TRIP13: variants seen among roughly 807,000 people sequenced by gnomAD.
TRIP13 encodes the protein thyroid hormone receptor interactor 13, also known as pachytene checkpoint protein 2 homolog.
TRIP13 carries 25 observed loss-of-function variants against 54.4 expected under a neutral mutation model. The observed-to-expected ratio is 0.46, with a 90% CI of 0.33 to 0.64. The LOEUF is 0.64. Ranked by LOEUF, TRIP13 falls within the 30% of genes least tolerant of loss-of-function variation. The pLI is 0.02. For synonymous variants in TRIP13, 207 were observed against 207.8 expected (o/e 1.00, Z 0.03); for missense variants, 373 against 534.2 (o/e 0.70, Z 2.97).
intron 1 of TRIP13, 64 bp downstream of exon 1, chr5:893,154 C>A: frequency 7.0e-7 from 1 of 1,428,590 alleles, no homozygotes. Flanking sequence ...GCGCGTGCAC[C>A]GAGCCCCGAC....
rs557285476 is a variant in TRIP13 at position 908,616 on chromosome 5, G to A, written c.866+155G>A. The stretch of plus-strand genomic sequence containing the variant: ...TATCGACTCCTTTTCCACATTGGAA[G>A]CAGCATATCACAAATGCTTTTTAAA... On this transcript the variant is annotated intron_variant, in intron 9 of 12. Coordinates refer to ENST00000166345, the MANE Select transcript of TRIP13 (RefSeq NM_004237.4). The surrounding 1 kb of genome is among the most constrained non-coding windows in gnomAD (Gnocchi z 5.2). The A allele has an allele frequency of 4.1e-6, 6 of 1,465,384 alleles. No individual in the cohort carries two copies. In the South Asian group the frequency reaches 5.5e-5, roughly 13 times the overall value. The allele number at this position is 1,465,384 out of a possible 1,614,324, so 90.8% of individuals were successfully genotyped here.
At position 907,748 on chromosome 5, in the gene TRIP13, G is replaced by C. The variant is rs1176103183; in HGVS notation, c.673-240G>C. On this transcript the variant is annotated intron_variant, in intron 7 of 12. Coordinates refer to ENST00000166345, the MANE Select transcript of TRIP13 (RefSeq NM_004237.4). This position sits in a 1 kb window ranked among gnomAD's most constrained non-coding sequence, Gnocchi z 4.1. ...AGGTCACCCTCACTGTGCCGCCCCG[G>C]GCAGGTCAGGTGTGGTCTCAGGTCT... Among the ~76,000 whole-genome samples the C allele has an allele frequency of 1.3e-5, 2 of 152,232 alleles. No individual in the cohort carries two copies. The highest frequency in any genetic ancestry group is 4.8e-5 in the African/African-American group (2 of 41,460).
intron 6 of TRIP13, among the ~76,000 whole-genome samples, chr5:904,716 G>A (rs751068143): frequency 5.9e-5 from 9 of 151,562 alleles, no homozygotes; most frequent in Admixed American, 6.6e-5. Context: ...TGTTTTATTC[G>A]AAAGTTTCTA....
rs550461797 is a variant in TRIP13 at position 911,148 on chromosome 5, A to G, written c.867-695A>G. ...ATGGAGTTTAGACGCTAGAGGGGAG[A>G]GCAGATCATGAACATGGGAAGTAAC... On this transcript the variant is annotated intron_variant, in intron 9 of 12. Transcript: ENST00000166345. The surrounding 1 kb of genome is among the most constrained non-coding windows in gnomAD (Gnocchi z 4.7). Among the ~76,000 whole-genome samples the G allele has an allele frequency of 3.3e-5, 5 of 152,196 alleles. No individual in the cohort carries two copies. The highest frequency in any genetic ancestry group is 7.3e-5 in the Non-Finnish European group (5 of 68,034).
At position 896,725 on chromosome 5, in the gene TRIP13, C is replaced by T. The variant is rs1471402418; in HGVS notation, c.319C>T (p.Pro107Ser). ...CATTTTCCAGCTGAATGAAGATGGC[C>T]CCAGCAGTGAAAATCTGGAGGAAGA... ...LHIFQLNEDG[P>S]SSENLEEETE... Residue 107 changes from proline (P) to serine (S), a missense_variant, in exon 3 of 13, where the codon CCC (proline) becomes TCC (serine). Pro to Ser is a moderately conservative substitution (Grantham distance 74). Transcript: ENST00000166345. 1 of 1,613,636 alleles carries T rather than the reference C, an allele frequency of 6.2e-7. No homozygotes were observed. The highest frequency in any genetic ancestry group is 2.2e-5 in the East Asian group (1 of 44,884).
intron 12 of TRIP13, 49 bp downstream of exon 12, chr5:916,022 A>C: frequency 1.3e-5 from 21 of 1,578,830 alleles, no homozygotes; most frequent in Non-Finnish European, 1.8e-5. Flanking sequence ...CACAGGTCTC[A>C]GCCTCGCCGG....
chr5:918,208 G>A (rs528301149), downstream of TRIP13: 2 of 152,332 alleles, frequency 1.3e-5, no homozygotes, highest in East Asian at 3.9e-4. This position sits in a 1 kb window ranked among gnomAD's most constrained non-coding sequence, Gnocchi z 4.3. Flanking sequence ...CCCAGGTGCA[G>A]ATTCAGGAGG....
At position 915,849 on chromosome 5, in the gene TRIP13, C is replaced by T. The variant is rs1015588760; in HGVS notation, c.1134-55C>T. On this transcript the variant is annotated intron_variant, in intron 11 of 12. Coordinates refer to ENST00000166345, the MANE Select transcript of TRIP13 (RefSeq NM_004237.4). This position sits in a 1 kb window ranked among gnomAD's most constrained non-coding sequence, Gnocchi z 4.2. ...CCTCGGCCAATGAGGAAAATTAGTC[C>T]TGAAACGTGTGATTGTATAAATTGC... 21 of 1,596,356 alleles carry T rather than the reference C, an allele frequency of 1.3e-5. No individual in the cohort carries two copies. Among genetic ancestry groups the T allele is most frequent in the Middle Eastern group, 1.7e-4 (1 of 6,058 alleles).
Position 911,870 on chromosome 5 carries a change from T to C in TRIP13, c.894T>C (p.Thr298=), listed in dbSNP as rs889277386. Residue 298 remains threonine, a synonymous_variant, in exon 10 of 13, where the codon ACT becomes ACC. Coordinates refer to ENST00000166345, the MANE Select transcript of TRIP13 (RefSeq NM_004237.4). The surrounding 1 kb of genome is among the most constrained non-coding windows in gnomAD (Gnocchi z 4.7). ...KRHSNVVILT[T]SNITEKIDVA... is the part of the protein sequence containing the mutation. ...ATTCCAATGTTGTGATTCTGACCAC[T>C]TCTAACATCACCGAGAAGATCGACG... is the stretch of plus-strand genomic sequence containing the variant. 1.2e-6 allele frequency: 2 copies of C among 1,613,482 alleles called. No individual in the cohort carries two copies. Among genetic ancestry groups the C allele is most frequent in the Admixed American group, 3.3e-5 (2 of 59,776 alleles).
downstream of TRIP13, among the ~76,000 whole-genome samples, chr5:918,367 T>A (rs1239800031): frequency 6.6e-6 from 1 of 152,162 alleles, no homozygotes; most frequent in African/African-American, 2.4e-5. This position sits in a 1 kb window ranked among gnomAD's most constrained non-coding sequence, Gnocchi z 4.3. Flanking sequence ...GCCCAGTCCA[T>A]GCATGTCAGT....
At chr5:905,338 G>A (rs1324054774) in intron 6 of TRIP13, among the ~76,000 whole-genome samples, 2 of 152,184 alleles carry the variant, frequency 1.3e-5, no homozygotes, top group African/African-American at 4.8e-5. Context: ...TTACATAGCT[G>A]CAGGGAATGT....
intron 9 of TRIP13, among the ~76,000 whole-genome samples, chr5:910,163 G>A (rs922243457): frequency 5.9e-5 from 9 of 152,082 alleles, no homozygotes; most frequent in African/African-American, 2.2e-4. Context: ...TCCTGCCCCC[G>A]CCGCAGCCCA....
chr5:893,776 A>C (rs193134677), intron 1 of TRIP13: 8 of 154,872 alleles, frequency 5.2e-5, no homozygotes, highest in African/African-American at 1.9e-4. Flanking sequence ...CTTTAACAGA[A>C]TAGCTGTTGA....
At position 915,260 on chromosome 5, in the gene TRIP13, A is replaced by T. The variant is rs187775290; in HGVS notation, c.1134-644A>T. Among the ~76,000 whole-genome samples, 175 of 152,368 alleles carry T rather than the reference A, an allele frequency of 1.1e-3. No homozygotes were observed. The highest frequency in any genetic ancestry group is 2.0e-3 in the Non-Finnish European group (138 of 68,034). ...TCAGAGACTTCTACAAAAATTGAAG[A>T]TGTGAACCCACCCATTATTTGGGGA... is the stretch of plus-strand genomic sequence containing the variant. On this transcript the variant is annotated intron_variant, in intron 11 of 12. Transcript: ENST00000166345. This position sits in a 1 kb window ranked among gnomAD's most constrained non-coding sequence, Gnocchi z 4.2.
At position 908,669 on chromosome 5, in the gene TRIP13, T is replaced by C; in HGVS notation, c.866+208T>C. 1 of 1,381,332 alleles carries C rather than the reference T, an allele frequency of 7.2e-7. No homozygotes were observed. 85.6% of individuals were successfully genotyped at this position (1,381,332 alleles called of 1,614,324 possible). On this transcript the variant is annotated intron_variant, in intron 9 of 12. Coordinates refer to ENST00000166345, the MANE Select transcript of TRIP13 (RefSeq NM_004237.4). The surrounding 1 kb of genome is among the most constrained non-coding windows in gnomAD (Gnocchi z 5.2). ...AATTGTTTTTAGTGTGTTAAAAATG[T>C]AATAGAAGGCCAGGCGCGGTGGCTC...
In TRIP13 at chr5:917,028, G is replaced by T. The variant is rs768828043; in HGVS notation, c.1224G>T (p.Glu408Asp). The change falls in exon 13 of 13, where the codon GAG becomes GAT. Residue 408 changes from glutamate (E) to aspartate (D), a missense_variant. Glu to Asp is a conservative substitution (Grantham distance 45). Transcript: ENST00000166345. ...TCTAGGCCCCCACCGTCACCATAGA[G>T]GGGTTCCTCCAGGCCCTGTCTCTGG... is the stretch of plus-strand genomic sequence containing the variant. ...LYVQAPTVTI[E>D]GFLQALSLAV... is the part of the protein sequence containing the mutation. 5 of 1,614,172 alleles carry T rather than the reference G, an allele frequency of 3.1e-6. No individual in the cohort carries two copies. In the Admixed American group the frequency reaches 5.0e-5, roughly 16 times the overall value.
chr5:917,203 C>A lies in TRIP13; in HGVS notation c.*100C>A, dbSNP rs1233088833. The A allele has an allele frequency of 3.6e-6, 4 of 1,123,480 alleles. No individual in the cohort carries two copies. In the South Asian group the frequency reaches 4.4e-5, roughly 12 times the overall value. 69.6% of individuals were successfully genotyped at this position (1,123,480 alleles called of 1,614,324 possible). A position where few individuals can be genotyped will look rare whatever the true frequency, so the allele number is the denominator to read the frequency against. ...TCTCCCAGGGAATCCCTTCTGCAAA[C>A]CAAACGTTACTTAGACTGCAAGCTA... On this transcript the variant is annotated 3_prime_UTR_variant, in exon 13 of 13. Transcript: ENST00000166345.
chr5:908,349 C>T lies in TRIP13; in HGVS notation c.760-6C>T. The T allele has an allele frequency of 6.2e-7, 1 of 1,610,374 alleles. No homozygotes were observed. The highest frequency in any genetic ancestry group is 1.1e-5 in the South Asian group (1 of 91,076). On this transcript the variant is annotated splice_region_variant and splice_polypyrimidine_tract_variant and intron_variant, in intron 8 of 12. Coordinates refer to ENST00000166345, the MANE Select transcript of TRIP13 (RefSeq NM_004237.4). The surrounding 1 kb of genome is among the most constrained non-coding windows in gnomAD (Gnocchi z 5.2). ...CCTTTTTGACCCCACTGCTCCCTCC[C>T]AACAGGTGGAGAGTCTCACAGCCGC...
chr5:893,895 C>T (rs540682944), intron 1 of TRIP13, among the ~76,000 whole-genome samples: 1 of 152,158 alleles, frequency 6.6e-6, no homozygotes, highest in South Asian at 2.1e-4. Context: ...TGTGTAAACA[C>T]CTTAGCGCTC....
Sources: gnomAD v4.1 joint callset for allele counts (sites outside exome capture counted in the v4.1 genomes callset) on GRCh38, gnomAD v4.1.1 for gene constraint, Gnocchi (gnomAD v3.1) non-coding constraint, MANE v1.5 for transcripts, NCBI Gene and HGNC (gene_info 2026-07-23, HGNC 2026-07-21) for gene names.